KIF21A: variants seen among roughly 807,000 people sequenced by gnomAD.
The protein encoded by KIF21A is kinesin family member 21A.
KIF21A carries 114 observed loss-of-function variants against 202.9 expected under a neutral mutation model. The ratio of observed to expected loss-of-function variants is 0.56; its 90% CI spans 0.48 to 0.66. KIF21A has a LOEUF of 0.66. Ranked by LOEUF, KIF21A falls within the 30% of genes least tolerant of loss-of-function variation. The probability of loss-of-function intolerance (pLI) is 0.00; values close to 1 mark genes in which losing one functional copy is unlikely to be tolerated. For missense variants in KIF21A, 1,677 were observed against 1,994.9 expected, an observed-to-expected ratio of 0.84 and a Z score of 3.04; for synonymous variants, 667 against 670.8, an observed-to-expected ratio of 0.99 and a Z score of 0.09.
chr12:39,386,534 C>T (rs560269984), intron 1 of KIF21A, among the ~76,000 whole-genome samples: 2 of 152,114 alleles, frequency 1.3e-5, no homozygotes, highest in South Asian at 2.1e-4. Flanking sequence ...CCTAATAGAA[C>T]CTGTAATATG....
rs1327566904 is a variant in KIF21A at position 39,332,470 on chromosome 12, C to T, written c.2857-62G>A. On this transcript the variant is annotated intron_variant, in intron 20 of 37. Coordinates refer to ENST00000361418, the MANE Select transcript of KIF21A (RefSeq NM_001173464.2). ...TTCACTTATTTATATACAGTACCATCAAACCCCCCCACCCCCCAAAAAAAA... is the reference window on the plus strand; with the variant it reads ...TTCACTTATTTATATACAGTACCATTAAACCCCCCCACCCCCCAAAAAAAA... 8 of 1,506,558 alleles carry T rather than the reference C, an allele frequency of 5.3e-6. No homozygotes were observed. The South Asian group carries it at 9.0e-5, about 17-fold the overall frequency. 93.3% of individuals were successfully genotyped at this position (1,506,558 alleles called of 1,614,324 possible). A position where few individuals can be genotyped will look rare whatever the true frequency, so the allele number is the denominator to read the frequency against.
At chr12:39,378,793 T>C (rs1316834736) in intron 1 of KIF21A, among the ~76,000 whole-genome samples, 2 of 152,124 alleles carry the variant, frequency 1.3e-5, no homozygotes, top group African/African-American at 2.4e-5. Flanking sequence ...ATTAAACATA[T>C]GGTCAATGAA....
rs1031902720 is a variant in KIF21A at position 39,357,511 on chromosome 12, A to G, written c.1216-74T>C. Reference sequence around the variant, plus strand: ...CAAGAGTTTTGCTTAAGAATACTCTATAACTATACAATTCTCTAACCAAGA... The same window carrying G: ...CAAGAGTTTTGCTTAAGAATACTCTGTAACTATACAATTCTCTAACCAAGA... On this transcript the variant is annotated intron_variant, in intron 8 of 37. Coordinates refer to ENST00000361418, the MANE Select transcript of KIF21A (RefSeq NM_001173464.2). 4.0e-6 allele frequency: 5 copies of G among 1,238,778 alleles called. No individual in the cohort carries two copies. In the African/African-American group the frequency reaches 4.4e-5, roughly 11 times the overall value. 76.7% of individuals were successfully genotyped at this position (1,238,778 alleles called of 1,614,324 possible). A position where few individuals can be genotyped will look rare whatever the true frequency, so the allele number is the denominator to read the frequency against.
At chr12:39,387,585 C>G (rs529191670) in intron 1 of KIF21A, among the ~76,000 whole-genome samples, 1 of 152,262 alleles carries the variant, frequency 6.6e-6, no homozygotes, top group East Asian at 1.9e-4. Context: ...GTATCTTTAT[C>G]TTGCTTCTCC....
chr12:39,405,925 T>C (rs1346295103), intron 1 of KIF21A, among the ~76,000 whole-genome samples: 2 of 152,214 alleles, frequency 1.3e-5, no homozygotes, highest in Non-Finnish European at 2.9e-5. Context: ...CCCATCATTA[T>C]ATGTGTGACT....
intron 22 of KIF21A, among the ~76,000 whole-genome samples, chr12:39,331,202 G>A: frequency 6.6e-6 from 1 of 151,540 alleles, no homozygotes; most frequent in Non-Finnish European, 1.5e-5. Flanking sequence ...GAATCTAACA[G>A]TCCCAACATG....
intron 11 of KIF21A, among the ~76,000 whole-genome samples, chr12:39,347,290 T>C (rs1210087818): frequency 6.6e-6 from 1 of 151,712 alleles, no homozygotes; most frequent in Non-Finnish European, 1.5e-5. Flanking sequence ...GTAAGATTGT[T>C]TTTTAAGAAA....
At chr12:39,388,566 A>G (rs778225957) in intron 1 of KIF21A, among the ~76,000 whole-genome samples, 19 of 152,180 alleles carry the variant, frequency 1.2e-4, no homozygotes, top group Non-Finnish European at 2.2e-4. Context: ...AGATAGAAGG[A>G]GCCTTAGTCC....
chr12:39,358,198 C>G lies in KIF21A; in HGVS notation c.1195G>C (p.Glu399Gln). The G allele has an allele frequency of 6.2e-7, 1 of 1,614,002 alleles. No homozygotes were observed. Among genetic ancestry groups the G allele is most frequent in the South Asian group, 1.1e-5 (1 of 91,078 alleles). The change falls in exon 8 of 38, where the codon GAG becomes CAG. Residue 399 changes from glutamate (E) to glutamine (Q), a missense_variant. Glu to Gln is a conservative substitution (Grantham distance 29). Coordinates refer to ENST00000361418, the MANE Select transcript of KIF21A (RefSeq NM_001173464.2). ...LRSEITRLQMELMEYKTGKRI... is the reference protein window; with the variant it reads ...LRSEITRLQMQLMEYKTGKRI... ...CTTACTGTTTTGTACTCCATGAGCT[C>G]CATCTGAAGTCGTGTGATTTCACTA...
chr12:39,370,391 TG>T, intron 1 of KIF21A, 130 bp from the exon 2 acceptor site: 1 of 674,496 alleles, frequency 1.5e-6, no homozygotes, highest in Non-Finnish European at 2.6e-6. Context: ...CTTATTCAGT[TG>T]AAAAGTTTAA....
chr12:39,296,391 AC>A (rs1942375626), intron 37 of KIF21A, among the ~76,000 whole-genome samples: 1 of 152,198 alleles, frequency 6.6e-6, no homozygotes, highest in Admixed American at 6.5e-5. Flanking sequence ...TTTAAAAAAA[AC>A]AAAAATAAAA....
chr12:39,340,133 A>G (rs1189295430), intron 16 of KIF21A, 32 bp downstream of exon 16: 2 of 1,556,126 alleles, frequency 1.3e-6, no homozygotes, highest in Admixed American at 1.7e-5. Flanking sequence ...CATACTGAAC[A>G]TCAAACGTTA....
At chr12:39,415,904 A>G (rs888114153) in intron 1 of KIF21A, among the ~76,000 whole-genome samples, 9 of 152,158 alleles carry the variant, frequency 5.9e-5, no homozygotes, top group African/African-American at 2.2e-4. Context: ...TATAGGCATC[A>G]CATCCTTTGA....
intron 6 of KIF21A, among the ~76,000 whole-genome samples, chr12:39,364,979 C>T (rs1949499539): frequency 6.6e-6 from 1 of 152,152 alleles, no homozygotes; most frequent in African/African-American, 2.4e-5. Flanking sequence ...GATAAGATGA[C>T]TATTGTAAAA....
intron 7 of KIF21A, 52 bp downstream of exon 7, chr12:39,363,046 T>C: frequency 2.6e-6 from 3 of 1,141,958 alleles, no homozygotes; most frequent in Non-Finnish European, 4.0e-6. Context: ...TACAAGCTTA[T>C]TTAATAATGA....
At chr12:39,382,820 C>A (rs368822333) in intron 1 of KIF21A, among the ~76,000 whole-genome samples, 1 of 152,206 alleles carries the variant, frequency 6.6e-6, no homozygotes, top group African/African-American at 2.4e-5. Flanking sequence ...GTGGAGTGAA[C>A]TTACCTGTCA....
chr12:39,313,100 T>A (rs1227058346), intron 31 of KIF21A, among the ~76,000 whole-genome samples: 1 of 151,862 alleles, frequency 6.6e-6, no homozygotes, highest in African/African-American at 2.4e-5. Context: ...ACAATGGAGA[T>A]TTATTCAATA....
chr12:39,313,689 T>TG (rs1565700470), intron 31 of KIF21A, among the ~76,000 whole-genome samples: 3 of 151,842 alleles, frequency 2.0e-5, no homozygotes, highest in African/African-American at 4.8e-5. Flanking sequence ...TTATATTGCC[T>TG]GAAAAAAATC....
At chr12:39,426,596 G>A (rs1165281403) in intron 1 of KIF21A, among the ~76,000 whole-genome samples, 2 of 152,004 alleles carry the variant, frequency 1.3e-5, no homozygotes, top group African/African-American at 4.8e-5. Flanking sequence ...ATTAAGGCCG[G>A]GCACGGTGGC....
Sources: allele counts gnomAD v4.1 joint callset (sites outside exome capture counted in the v4.1 genomes callset), GRCh38; gene constraint gnomAD v4.1.1; transcripts MANE v1.5; gene names NCBI Gene and HGNC (gene_info 2026-07-23, HGNC 2026-07-21).